MYO3A: variants seen among roughly 807,000 people sequenced by gnomAD.
The protein encoded by MYO3A is myosin IIIA.
A neutral mutation model predicts 192.7 loss-of-function variants in MYO3A; 180 were observed. The observed-to-expected ratio is 0.93, with a 90% CI of 0.83 to 1.06. The LOEUF is 1.06. Among genes scored for constraint, MYO3A ranks in the 50% least tolerant of loss-of-function variants. The pLI, the probability that MYO3A is intolerant of heterozygous loss-of-function variation, is 0.00. For synonymous variants in MYO3A, 628 were observed against 645.3 expected, an observed-to-expected ratio of 0.97 and a Z score of 0.41; for missense variants, 1,896 against 1,905.0, an observed-to-expected ratio of 1.00 and a Z score of 0.09.
At chr10:26,177,379 C>T (rs1842387850) in intron 31 of MYO3A, among the ~76,000 whole-genome samples, 1 of 152,138 alleles carries the variant, frequency 6.6e-6, no homozygotes, top group South Asian at 2.1e-4. Context: ...TATGGCCTTG[C>T]ACACCACCAA....
intron 8 of MYO3A, chr10:26,022,288 T>C (rs7077072): frequency 0.71 from 107,446 of 151,952 alleles, 38,124 homozygotes; most frequent in Middle Eastern, 0.78. Flanking sequence ...CTATGAGTGG[T>C]GGTTAGTCCC....
chr10:26,137,315 G>A (rs1177190990), intron 20 of MYO3A, among the ~76,000 whole-genome samples: 1 of 152,178 alleles, frequency 6.6e-6, no homozygotes, highest in East Asian at 1.9e-4. Flanking sequence ...CCTGAATGGA[G>A]GGACAAGCTG....
chr10:26,193,228 A>G lies in MYO3A; in HGVS notation c.4462A>G (p.Lys1488Glu), dbSNP rs34204285. The change falls in exon 32 of 35, where the codon AAA (lysine) becomes GAA (glutamate). Residue 1488 changes from lysine to glutamate, a missense_variant. By Grantham distance (56) the Lys-to-Glu change is moderately conservative. Coordinates refer to ENST00000642920, the MANE Select transcript of MYO3A (RefSeq NM_017433.5). Reference protein sequence around the residue: ...LSGVCKGEEPKILRPPRRPRK... With the variant: ...LSGVCKGEEPEILRPPRRPRK... ...AGGTGTCTGTAAAGGAGAGGAGCCA[A>G]AAATATTGAGACCCCCAAGACGACC... The G allele has an allele frequency of 1.4e-3, 2,322 of 1,614,002 alleles. 31 individuals are homozygous for G. The East Asian group carries it at 0.038, about 26-fold the overall frequency.
At chr10:26,052,371 T>C (rs1480760092) in intron 10 of MYO3A, among the ~76,000 whole-genome samples, 2 of 152,308 alleles carry the variant, frequency 1.3e-5, no homozygotes, top group Non-Finnish European at 2.9e-5. Context: ...TAAGACTTAC[T>C]GGGGGCTTGG....
rs550422942 is a variant in MYO3A at position 26,201,496 on chromosome 10, C to T, written c.4586+191C>T. Among the ~76,000 whole-genome samples the T allele has an allele frequency of 4.5e-3, 679 of 151,656 alleles. 9 individuals are homozygous for T. Among genetic ancestry groups the T allele is most frequent in the African/African-American group, 0.015 (622 of 41,324 alleles). On this transcript the variant is annotated intron_variant, in intron 33 of 34. Coordinates refer to ENST00000642920, the MANE Select transcript of MYO3A (RefSeq NM_017433.5). ...GAGATCGAGACCATCCTGGCTAACACGGTGAAACCCCGTCTCTACTAAAAA... is the reference window on the plus strand; with the variant it reads ...GAGATCGAGACCATCCTGGCTAACATGGTGAAACCCCGTCTCTACTAAAAA...
chr10:25,949,840 A>T (rs1191610333), intron 2 of MYO3A, among the ~76,000 whole-genome samples: 1 of 152,102 alleles, frequency 6.6e-6, no homozygotes, highest in Non-Finnish European at 1.5e-5. Flanking sequence ...TATATATTTA[A>T]CATTTACCGT....
rs1039008487 is a variant in MYO3A at position 25,935,840 on chromosome 10, A to G, written c.-18+10A>G. Reference sequence around the variant, plus strand: ...TCAAGCTTTGCTAACGGTAGGTGATAAAATTGACAAGTGTTCTGGGTTTGC... The same window carrying G: ...TCAAGCTTTGCTAACGGTAGGTGATGAAATTGACAAGTGTTCTGGGTTTGC... On this transcript the variant is annotated intron_variant, in intron 2 of 34. Transcript: ENST00000642920. 2 of 152,210 alleles carry G rather than the reference A, an allele frequency of 1.3e-5. No homozygotes were observed. The highest frequency in any genetic ancestry group is 4.8e-5 in the African/African-American group (2 of 41,450). The allele number at this position is 152,210 out of a possible 1,614,324, so 9.4% of individuals were successfully genotyped here. A position where few individuals can be genotyped will look rare whatever the true frequency, so the allele number is the denominator to read the frequency against.
At chr10:26,096,828 T>C in intron 17 of MYO3A, 146 bp downstream of exon 17, 2 of 629,266 alleles carry the variant, frequency 3.2e-6, no homozygotes, top group East Asian at 2.9e-5. Flanking sequence ...GGAAATATAA[T>C]ATTTACTTTA....
intron 31 of MYO3A, among the ~76,000 whole-genome samples, chr10:26,186,340 C>T (rs1176689513): frequency 6.7e-6 from 1 of 149,514 alleles, no homozygotes; most frequent in Non-Finnish European, 1.5e-5. Context: ...GATCTCAGCT[C>T]ACTGCAAGCT....
chr10:26,172,733 AG>A (rs1842110484), intron 29 of MYO3A, among the ~76,000 whole-genome samples: 2 of 152,192 alleles, frequency 1.3e-5, no homozygotes, highest in South Asian at 4.1e-4. Flanking sequence ...TGATCCTAGC[AG>A]GATTCTGCTA....
In MYO3A at chr10:26,096,668, G is replaced by A. The variant is rs776219381; in HGVS notation, c.1762G>A (p.Gly588Ser). The A allele has an allele frequency of 6.4e-7, 1 of 1,574,380 alleles. No individual in the cohort carries two copies. Among genetic ancestry groups the A allele is most frequent in the South Asian group, 1.1e-5 (1 of 90,258 alleles). The change falls in exon 17 of 35, where the codon GGT (glycine) becomes AGT (serine). Residue 588 changes from glycine (G) to serine (S), a missense_variant. Coordinates refer to ENST00000642920, the MANE Select transcript of MYO3A (RefSeq NM_017433.5). ...ELIEQCFKVI[G>S]FTMEQLGSIY... Reference sequence around the variant, plus strand: ...AATTGAGCAATGTTTCAAAGTCATAGGTTTTACAATGGAGGTAAGTATGAA... The same window carrying A: ...AATTGAGCAATGTTTCAAAGTCATAAGTTTTACAATGGAGGTAAGTATGAA...
intron 4 of MYO3A, among the ~76,000 whole-genome samples, chr10:25,994,379 T>C (rs1358648190): frequency 3.9e-5 from 6 of 152,208 alleles, no homozygotes; most frequent in African/African-American, 1.2e-4. Context: ...GATCTTCCTC[T>C]ATCCCTTTAT....
intron 29 of MYO3A, among the ~76,000 whole-genome samples, chr10:26,172,896 C>T (rs1195630656): frequency 1.3e-5 from 2 of 152,146 alleles, no homozygotes. Context: ...CCTAAACTCT[C>T]ACATGGGTTT....
intron 4 of MYO3A, among the ~76,000 whole-genome samples, chr10:25,973,005 C>T (rs532109562): frequency 2.6e-5 from 4 of 152,276 alleles, no homozygotes; most frequent in African/African-American, 9.6e-5. Context: ...ATTCTATTTG[C>T]TAATTCTGTG....
intron 6 of MYO3A, among the ~76,000 whole-genome samples, chr10:26,006,640 A>C (rs1347032706): frequency 2.6e-5 from 4 of 152,242 alleles, no homozygotes; most frequent in Non-Finnish European, 5.9e-5. Context: ...GAAGAAATGG[A>C]TAAATTCCTG....
Position 26,081,133 on chromosome 10 carries a change from T to TCCCCCCCCCCCCCCCCCC in MYO3A, c.1360-7058_1360-7057insCCCCCCCCCCCCCCCCCC, listed in dbSNP as rs60099269. On this transcript the variant is annotated intron_variant, in intron 14 of 34. Coordinates refer to ENST00000642920, the MANE Select transcript of MYO3A (RefSeq NM_017433.5). ...TAGAATTCCCAAGATTATATGCCCT[T>TCCCCCCCCCCCCCCCCCC]CCCCCCCCCCCCGCCCCCGCTACCA... is the stretch of plus-strand genomic sequence containing the variant. Among the ~76,000 whole-genome samples, 30 of 84,968 alleles carry TCCCCCCCCCCCCCCCCCC rather than the reference T, an allele frequency of 3.5e-4. 6 individuals are homozygous for TCCCCCCCCCCCCCCCCCC. The highest frequency in any genetic ancestry group is 1.2e-3 in the East Asian group (4 of 3,434). The allele number at this position is 84,968 out of a possible 152,430, so 55.7% of individuals were successfully genotyped here.
intron 6 of MYO3A, among the ~76,000 whole-genome samples, chr10:26,002,896 C>T (rs1001682775): frequency 6.6e-6 from 1 of 152,126 alleles, no homozygotes; most frequent in African/African-American, 2.4e-5. Flanking sequence ...AGTTGTCAGA[C>T]TTCACTGTAA....
At chr10:26,099,600 A>G (rs1269516275) in intron 17 of MYO3A, among the ~76,000 whole-genome samples, 2 of 152,174 alleles carry the variant, frequency 1.3e-5, no homozygotes, top group African/African-American at 4.8e-5. Flanking sequence ...TACCTAGTTT[A>G]TTGAGAGTTT....
intron 4 of MYO3A, among the ~76,000 whole-genome samples, chr10:25,960,726 G>A (rs964174502): frequency 3.3e-5 from 5 of 152,116 alleles, no homozygotes; most frequent in Non-Finnish European, 1.5e-5. Flanking sequence ...GAAAAGGAGA[G>A]GATGATCTTG....
Sources: gnomAD v4.1 joint callset for allele counts (sites outside exome capture counted in the v4.1 genomes callset) on GRCh38, gnomAD v4.1.1 for gene constraint, MANE v1.5 for transcripts, NCBI Gene and HGNC (gene_info 2026-07-23, HGNC 2026-07-21) for gene names.